The following DIP2C variants were observed in gnomAD, a reference collection of about 807,000 sequenced individuals.
DIP2C encodes the protein disco-interacting protein 2 homolog C.
A neutral mutation model predicts 192.4 loss-of-function variants in DIP2C; 33 were observed. That is an observed-to-expected ratio of 0.17 (90% CI 0.13 to 0.23). DIP2C has a LOEUF of 0.23. Ranked by LOEUF, DIP2C falls within the 10% of genes least tolerant of loss-of-function variation. The pLI is 1.00. For synonymous variants in DIP2C, 979 were observed against 864.1 expected, an observed-to-expected ratio of 1.13 and a Z score of -2.33; for missense variants, 1,537 against 2,110.1, an observed-to-expected ratio of 0.73 and a Z score of 5.32.
At chr10:391,707 A>G (rs1402391216) in intron 10 of DIP2C, among the ~76,000 whole-genome samples, 1 of 152,220 alleles carries the variant, frequency 6.6e-6, no homozygotes, top group Non-Finnish European at 1.5e-5. Context: ...GCCACATTGT[A>G]GTGAGCAAGT....
intron 1 of DIP2C, among the ~76,000 whole-genome samples, chr10:512,828 C>T (rs565841907): frequency 6.8e-6 from 1 of 147,038 alleles, no homozygotes; most frequent in African/African-American, 2.5e-5. Flanking sequence ...GGAGGAGAAT[C>T]ACTTCAGCCT....
intron 1 of DIP2C, among the ~76,000 whole-genome samples, chr10:549,427 C>A (rs1848475136): frequency 6.6e-6 from 1 of 152,150 alleles, no homozygotes; most frequent in South Asian, 2.1e-4. Context: ...TCGGGCCCAT[C>A]CACAAGCCAA....
At chr10:395,147 TG>T (rs766875533) in intron 10 of DIP2C, among the ~76,000 whole-genome samples, 1 of 43,844 alleles carries the variant, frequency 2.3e-5, no homozygotes, top group Admixed American at 2.4e-4. Flanking sequence ...AGGGAGGAGA[TG>T]GGGGGGAGGG....
chr10:593,496 C>CG (rs1479846579), intron 1 of DIP2C, among the ~76,000 whole-genome samples: 5 of 125,680 alleles, frequency 4.0e-5, no homozygotes, highest in Non-Finnish European at 6.8e-5. Flanking sequence ...CCCCCCCCCC[C>CG]CCACCCTTTC....
At chr10:574,643 A>G (rs535928812) in intron 1 of DIP2C, among the ~76,000 whole-genome samples, 1 of 152,314 alleles carries the variant, frequency 6.6e-6, no homozygotes, top group East Asian at 1.9e-4. Context: ...TTGAAACACA[A>G]TCTGCCCCAG....
rs118049054 is a variant in DIP2C at position 386,138 on chromosome 10, T to G, written c.1663-1499A>C. Among the ~76,000 whole-genome samples the G allele has an allele frequency of 8.5e-4, 130 of 152,218 alleles. No individual in the cohort carries two copies. In the East Asian group the frequency reaches 0.014, roughly 16 times the overall value. On this transcript the variant is annotated intron_variant, in intron 14 of 36. Transcript: ENST00000280886. ...ACAACGTCACAGCCGGAAAGTTGGG[T>G]GTTCTAATGACGAGAGTGACTAACG...
chr10:436,547 G>A (rs563223609), intron 4 of DIP2C, among the ~76,000 whole-genome samples: 1 of 149,880 alleles, frequency 6.7e-6, no homozygotes, highest in Non-Finnish European at 1.5e-5. Context: ...ACCCACACCT[G>A]AGCTCTGAGC....
chr10:578,556 C>A (rs1393237957), intron 1 of DIP2C, among the ~76,000 whole-genome samples: 1 of 152,164 alleles, frequency 6.6e-6, no homozygotes, highest in East Asian at 1.9e-4. Flanking sequence ...TAAATCATTG[C>A]AAAGCATCTA....
At chr10:563,359 G>A (rs756451786) in intron 1 of DIP2C, among the ~76,000 whole-genome samples, 7 of 152,018 alleles carry the variant, frequency 4.6e-5, no homozygotes, top group South Asian at 2.1e-4. Flanking sequence ...ATATTTCCCC[G>A]ATCCTTTAAA....
At chr10:545,983 G>C (rs949853875) in intron 1 of DIP2C, among the ~76,000 whole-genome samples, 2 of 152,238 alleles carry the variant, frequency 1.3e-5, no homozygotes, top group East Asian at 3.9e-4. Context: ...ATCACAAAAA[G>C]CTTTCTCATG....
chr10:512,365 C>G (rs886189686), intron 1 of DIP2C, among the ~76,000 whole-genome samples: 2 of 151,560 alleles, frequency 1.3e-5, no homozygotes, highest in African/African-American at 4.9e-5. Context: ...TCAAGACCAG[C>G]CTGGGAAACA....
intron 3 of DIP2C, among the ~76,000 whole-genome samples, chr10:443,106 T>C (rs1034036932): frequency 1.3e-5 from 2 of 152,186 alleles, no homozygotes; most frequent in Non-Finnish European, 2.9e-5. Context: ...TCAGTGAAGG[T>C]GGTGCTTAAG....
At chr10:430,917 G>A (rs1966849883) in intron 4 of DIP2C, among the ~76,000 whole-genome samples, 1 of 152,110 alleles carries the variant, frequency 6.6e-6, no homozygotes, top group South Asian at 2.1e-4. Context: ...GACTAGGTTT[G>A]GTGTTTTTCT....
At chr10:480,693 G>A (rs985160678) in intron 2 of DIP2C, among the ~76,000 whole-genome samples, 2 of 152,256 alleles carry the variant, frequency 1.3e-5, no homozygotes, top group Admixed American at 6.5e-5. Context: ...TGGCGCCTAA[G>A]ACGAGGAATG....
chr10:688,666 G>C (rs1385557347), intron 1 of DIP2C, among the ~76,000 whole-genome samples: 1 of 151,528 alleles, frequency 6.6e-6, no homozygotes, highest in African/African-American at 2.4e-5. Flanking sequence ...AGTGGTTTTG[G>C]GGAAAAGACC....
At chr10:318,524 C>T (rs547272309) in intron 31 of DIP2C, among the ~76,000 whole-genome samples, 4 of 152,300 alleles carry the variant, frequency 2.6e-5, no homozygotes, top group Admixed American at 2.6e-4. Context: ...ACAAGCGGTT[C>T]CCATAGGCAG....
At chr10:590,839 C>A (rs1851359037) in intron 1 of DIP2C, among the ~76,000 whole-genome samples, 1 of 152,208 alleles carries the variant, frequency 6.6e-6, no homozygotes, top group Admixed American at 6.5e-5. Flanking sequence ...GCACCAGAGC[C>A]TGCGAGGTGA....
intron 1 of DIP2C, among the ~76,000 whole-genome samples, chr10:555,227 C>T (rs957196341): frequency 2.6e-5 from 4 of 151,820 alleles, no homozygotes; most frequent in African/African-American, 9.7e-5. Flanking sequence ...GAGGTCTCTC[C>T]TCACTGCCCC....
rs78624815 is a variant in DIP2C at position 473,263 on chromosome 10, C to G, written c.158-714G>C. ...AATAACAGGGTGGCAAGGAACACAA[C>G]TAGACAAAACTAAGCCCCCAAAGGA... On this transcript the variant is annotated intron_variant, in intron 2 of 36. Transcript: ENST00000280886. Among the ~76,000 whole-genome samples the G allele has an allele frequency of 8.4e-3, 1,279 of 152,332 alleles. 11 individuals are homozygous for G. Among genetic ancestry groups the G allele is most frequent in the Non-Finnish European group, 0.012 (797 of 68,032 alleles).
Sources: gnomAD v4.1 joint callset for allele counts (sites outside exome capture counted in the v4.1 genomes callset) on GRCh38, gnomAD v4.1.1 for gene constraint, MANE v1.5 for transcripts, NCBI Gene and HGNC (gene_info 2026-07-23, HGNC 2026-07-21) for gene names.